The following FAM186A variants were observed in gnomAD, a reference collection of about 807,000 sequenced individuals.
The protein encoded by FAM186A is family with sequence similarity 186 member A.
FAM186A carries 163 observed loss-of-function variants against 216.8 expected under a neutral mutation model. That is an observed-to-expected ratio of 0.75 (90% CI 0.66 to 0.86). FAM186A has a LOEUF of 0.86. Among genes scored for constraint, FAM186A ranks in the 40% least tolerant of loss-of-function variants. FAM186A has a pLI of 0.00. For synonymous variants in FAM186A, 805 were observed against 1,025.3 expected, an observed-to-expected ratio of 0.79 and a Z score of 4.10; for missense variants, 2,184 against 2,746.2, an observed-to-expected ratio of 0.80 and a Z score of 4.58.
chr12:50,353,082 A>C lies in FAM186A; in HGVS notation c.3750T>G (p.Ala1250=). Residue 1250 remains alanine, a synonymous_variant, in exon 4 of 8, where the codon GCT becomes GCG. Coordinates refer to ENST00000327337, the MANE Select transcript of FAM186A (RefSeq NM_001145475.3). ...GIPLTPQQAQ[A]LGITLTPKQV... is the part of the protein sequence containing the mutation. ...GCTTAGGGGTGAGAGTGATTCCGAG[A>C]GCCTGCGCCTGCTGAGGGGTGAGAG... 1 of 1,438,338 alleles carries C rather than the reference A, an allele frequency of 7.0e-7. No homozygotes were observed. The highest frequency in any genetic ancestry group is 9.2e-7 in the Non-Finnish European group (1 of 1,088,382). The allele number at this position is 1,438,338 out of a possible 1,614,324, so 89.1% of individuals were successfully genotyped here. A position where few individuals can be genotyped will look rare whatever the true frequency, so the allele number is the denominator to read the frequency against.
At chr12:50,377,071 A>G (rs1943205108) in intron 1 of FAM186A, among the ~76,000 whole-genome samples, 1 of 152,122 alleles carries the variant, frequency 6.6e-6, no homozygotes, top group Non-Finnish European at 1.5e-5. Context: ...AAGATGCACA[A>G]TTTAAAGGGG....
chr12:50,385,404 C>A (rs1340798921), intron 1 of FAM186A, among the ~76,000 whole-genome samples: 42 of 116,494 alleles, frequency 3.6e-4, no homozygotes, highest in Admixed American at 1.0e-3. Context: ...GGCGACAGAG[C>A]AAGACTCTGT....
At chr12:50,375,132 C>T (rs532296026) in intron 1 of FAM186A, among the ~76,000 whole-genome samples, 7 of 151,774 alleles carry the variant, frequency 4.6e-5, no homozygotes, top group East Asian at 3.9e-4. Flanking sequence ...GAGCCAAGAT[C>T]GCTTCTCTGC....
At chr12:50,380,700 A>G (rs999786682) in intron 1 of FAM186A, among the ~76,000 whole-genome samples, 1 of 151,862 alleles carries the variant, frequency 6.6e-6, no homozygotes, top group South Asian at 2.1e-4. Context: ...TCTAAAAAAA[A>G]AAAAAAGAAC....
intron 2 of FAM186A, 59 bp from the exon 3 acceptor site, chr12:50,360,985 A>C: frequency 7.6e-7 from 1 of 1,316,348 alleles, no homozygotes; most frequent in Non-Finnish European, 1.0e-6. Flanking sequence ...CTATAGCTAC[A>C]TAGGCTTATA....
intron 4 of FAM186A, among the ~76,000 whole-genome samples, chr12:50,344,999 C>A (rs1340922171): frequency 1.3e-5 from 2 of 152,052 alleles, no homozygotes; most frequent in Non-Finnish European, 2.9e-5. Flanking sequence ...CGCCTGTAAT[C>A]CCAGCACTGT....
chr12:50,374,811 T>C (rs1943182103), intron 1 of FAM186A, among the ~76,000 whole-genome samples: 2 of 152,028 alleles, frequency 1.3e-5, no homozygotes, highest in African/African-American at 2.4e-5. Context: ...TACAGGAAAA[T>C]GGATTGGAAA....
intron 4 of FAM186A, among the ~76,000 whole-genome samples, chr12:50,349,419 G>A (rs949476476): frequency 2.6e-5 from 4 of 151,926 alleles, no homozygotes; most frequent in Admixed American, 1.3e-4. Flanking sequence ...AAACCCCTGG[G>A]CTCAAGTGAT....
chr12:50,333,539 A>C (rs908914508), intron 5 of FAM186A, among the ~76,000 whole-genome samples: 3 of 151,946 alleles, frequency 2.0e-5, no homozygotes, highest in Non-Finnish European at 4.4e-5. Context: ...AAAAACGAAA[A>C]ACAAAGCAAA....
At chr12:50,395,994 C>T (rs1418499701) in intron 1 of FAM186A, among the ~76,000 whole-genome samples, 1 of 152,068 alleles carries the variant, frequency 6.6e-6, no homozygotes, top group African/African-American at 2.4e-5. Context: ...GAACTCCCGA[C>T]CTCAGTGATC....
chr12:50,355,114 G>A lies in FAM186A; in HGVS notation c.1718C>T (p.Ser573Leu). 6.4e-7 allele frequency: 1 copy of A among 1,551,622 alleles called. No homozygotes were observed. Among genetic ancestry groups the A allele is most frequent in the Non-Finnish European group, 8.7e-7 (1 of 1,146,980 alleles). Residue 573 changes from serine (S) to leucine (L), a missense_variant, in exon 4 of 8, where the codon TCA (serine) becomes TTA (leucine). Physicochemically the swap from Ser to Leu is moderately radical, Grantham distance 145. Around this residue, in one of 7 missense-constraint regions of FAM186A, gnomAD observed 1,132 missense variants for 1,263.4 expected, o/e 0.90. Transcript: ENST00000327337. The part of the protein sequence containing the change: ...AEIKVEPTTE[S>L]LDKEGKGEIR... Reference sequence around the variant, plus strand: ...TTCACCTTTGCCCTCTTTGTCCAATGACTCAGTGGTGGGTTCCACTTTAAT... The same window carrying A: ...TTCACCTTTGCCCTCTTTGTCCAATAACTCAGTGGTGGGTTCCACTTTAAT...
chr12:50,362,882 G>A (rs555522177), intron 2 of FAM186A, among the ~76,000 whole-genome samples: 13 of 152,088 alleles, frequency 8.5e-5, no homozygotes, highest in Non-Finnish European at 1.6e-4. Flanking sequence ...GGTGGAAGAT[G>A]CTCCAGATAA....
At chr12:50,374,389 T>C (rs1943178073) in intron 1 of FAM186A, among the ~76,000 whole-genome samples, 1 of 151,964 alleles carries the variant, frequency 6.6e-6, no homozygotes, top group South Asian at 2.1e-4. Context: ...CTGGGACAGA[T>C]AGGTGACCAA....
At chr12:50,362,888 G>C (rs1409077467) in intron 2 of FAM186A, among the ~76,000 whole-genome samples, 1 of 151,954 alleles carries the variant, frequency 6.6e-6, no homozygotes, top group Non-Finnish European at 1.5e-5. Context: ...AGATGCTCCA[G>C]ATAAGGGAAT....
chr12:50,382,745 G>A (rs1438243364), intron 1 of FAM186A, among the ~76,000 whole-genome samples: 1 of 152,000 alleles, frequency 6.6e-6, no homozygotes, highest in Non-Finnish European at 1.5e-5. Flanking sequence ...TAGAAGTTTA[G>A]ATTTTAATAA....
At chr12:50,345,724 A>C (rs1942805124) in intron 4 of FAM186A, among the ~76,000 whole-genome samples, 1 of 152,090 alleles carries the variant, frequency 6.6e-6, no homozygotes, top group South Asian at 2.1e-4. Context: ...TTTTTGTACC[A>C]GTACAATGTT....
chr12:50,363,739 T>C (rs1407520275), intron 1 of FAM186A, among the ~76,000 whole-genome samples: 2 of 146,318 alleles, frequency 1.4e-5, no homozygotes, highest in Non-Finnish European at 3.0e-5. Context: ...TTTGTGAAAG[T>C]GCTTTATAAG....
chr12:50,386,245 A>G (rs1347251093), intron 1 of FAM186A, among the ~76,000 whole-genome samples: 1 of 146,044 alleles, frequency 6.8e-6, no homozygotes, highest in African/African-American at 2.7e-5. Context: ...CCTGGCCAAC[A>G]TGGCGAAACC....
At chr12:50,371,242 A>G (rs1943139926) in intron 1 of FAM186A, among the ~76,000 whole-genome samples, 1 of 151,418 alleles carries the variant, frequency 6.6e-6, no homozygotes, top group Non-Finnish European at 1.5e-5. Context: ...CTCAGCCTCC[A>G]GAGTAGCTGG....
Sources: gnomAD v4.1 joint callset for allele counts (sites outside exome capture counted in the v4.1 genomes callset) on GRCh38, gnomAD v4.1.1 for gene constraint, gnomAD v4.1.1 regional missense constraint, MANE v1.5 for transcripts, NCBI Gene and HGNC (gene_info 2026-07-23, HGNC 2026-07-21) for gene names.